The following SPATA16 variants were observed in gnomAD, a reference collection of about 807,000 sequenced individuals.
The protein encoded by SPATA16 is spermatogenesis-associated protein 16.
In SPATA16, 36 loss-of-function variants were observed where a neutral mutation model predicts 63.3. The observed-to-expected ratio is 0.57, with a 90% CI of 0.44 to 0.75. The LOEUF is 0.75. Ranked by LOEUF, SPATA16 falls within the 30% of genes least tolerant of loss-of-function variation. SPATA16 has a pLI of 0.00. For synonymous variants in SPATA16, 203 were observed against 216.7 expected, an observed-to-expected ratio of 0.94 and a Z score of 0.56; for missense variants, 646 against 679.3, an observed-to-expected ratio of 0.95 and a Z score of 0.54.
chr3:173,058,349 G>A (rs759771213), intron 2 of SPATA16, among the ~76,000 whole-genome samples: 1 of 152,090 alleles, frequency 6.6e-6, no homozygotes, highest in Non-Finnish European at 1.5e-5. Context: ...ACAGCCGTGT[G>A]TATACATCTT....
intron 2 of SPATA16, among the ~76,000 whole-genome samples, chr3:173,084,529 C>T (rs1737000755): frequency 6.6e-6 from 1 of 152,214 alleles, no homozygotes; most frequent in East Asian, 1.9e-4. Flanking sequence ...TTAATTAGAT[C>T]CCATTTGTCA....
chr3:173,059,962 A>G (rs775798439), intron 2 of SPATA16, among the ~76,000 whole-genome samples: 2 of 151,606 alleles, frequency 1.3e-5, no homozygotes, highest in Non-Finnish European at 2.9e-5. Flanking sequence ...GCTAATGTAG[A>G]AAAAACAGAG....
intron 6 of SPATA16, among the ~76,000 whole-genome samples, chr3:172,943,179 G>A (rs1371648027): frequency 6.6e-6 from 1 of 152,078 alleles, no homozygotes; most frequent in Non-Finnish European, 1.5e-5. Context: ...GAGCAGAAAG[G>A]AGTTAAACGT....
intron 10 of SPATA16, among the ~76,000 whole-genome samples, chr3:172,893,200 T>G (rs924228357): frequency 1.3e-5 from 2 of 152,244 alleles, no homozygotes; most frequent in African/African-American, 4.8e-5. Flanking sequence ...GAATGTGGCC[T>G]TATCTGGAGA....
At chr3:173,090,284 A>T (rs1323739760) in intron 2 of SPATA16, among the ~76,000 whole-genome samples, 1 of 152,070 alleles carries the variant, frequency 6.6e-6, no homozygotes, top group Non-Finnish European at 1.5e-5. Flanking sequence ...CTGCTTTGTC[A>T]TGTGATGTGC....
In SPATA16 at chr3:172,987,197, G is replaced by A. The variant is rs1016211303; in HGVS notation, c.849-10145C>T. On this transcript the variant is annotated intron_variant, in intron 4 of 10. Transcript: ENST00000351008. ...AACCATAAATGATAAAAGGATAATG[G>A]GCTCGGCCTGAAGCCAACCGTGTAA... Among the ~76,000 whole-genome samples the A allele has an allele frequency of 4.6e-5, 7 of 152,274 alleles. No individual in the cohort carries two copies. In the East Asian group the frequency reaches 1.2e-3, roughly 25 times the overall value.
chr3:173,119,837 T>TCACGCCTGTAAA (rs1553805554), intron 1 of SPATA16, among the ~76,000 whole-genome samples: 1 of 152,074 alleles, frequency 6.6e-6, no homozygotes. Flanking sequence ...GCGCGATGGC[T>TCACGCCTGTAAA]TGGCCTTTGG....
In SPATA16 at chr3:172,933,402, A is replaced by G. The variant is rs370499939; in HGVS notation, c.1082-7910T>C. ...TCCCTCGGTCCCTGTTATTCATTCA[A>G]TCATAAGCATATGATGCAGTTTGGG... On this transcript the variant is annotated intron_variant, in intron 6 of 10. Transcript: ENST00000351008. 1.3e-4 allele frequency among the ~76,000 whole-genome samples: 20 copies of G among 152,314 alleles called. 1 individual carries two copies. The highest frequency in any genetic ancestry group is 1.7e-4 in the African/African-American group (7 of 41,574).
intron 10 of SPATA16, among the ~76,000 whole-genome samples, chr3:172,900,269 A>G (rs1043980360): frequency 7.2e-5 from 11 of 152,192 alleles, no homozygotes; most frequent in Non-Finnish European, 1.3e-4. Flanking sequence ...ATAGTTTCTA[A>G]TGAGAAAGCC....
intron 2 of SPATA16, among the ~76,000 whole-genome samples, chr3:173,062,802 G>A (rs1016954418): frequency 1.3e-5 from 2 of 152,156 alleles, no homozygotes; most frequent in Admixed American, 6.5e-5. Context: ...GGATGGTTTC[G>A]TGACAAAACA....
intron 5 of SPATA16, among the ~76,000 whole-genome samples, chr3:172,973,919 C>T (rs1734098801): frequency 6.6e-6 from 1 of 152,108 alleles, no homozygotes; most frequent in Non-Finnish European, 1.5e-5. Flanking sequence ...CAAGTACAGT[C>T]ATGACAAGTT....
At chr3:172,994,657 A>G (rs1734656821) in intron 4 of SPATA16, among the ~76,000 whole-genome samples, 1 of 152,124 alleles carries the variant, frequency 6.6e-6, no homozygotes. Context: ...TAGATTATGG[A>G]GAGCCATTTA....
At chr3:172,916,210 G>T in intron 9 of SPATA16, 107 bp downstream of exon 9, 1 of 1,385,512 alleles carries the variant, frequency 7.2e-7, no homozygotes, top group Non-Finnish European at 1.0e-6. Context: ...TTTGCCCTCA[G>T]GCTACATTTA....
chr3:172,975,562 G>A (rs538407176), intron 5 of SPATA16, among the ~76,000 whole-genome samples: 1 of 151,958 alleles, frequency 6.6e-6, no homozygotes, highest in South Asian at 2.1e-4. Context: ...TTTCCCATCT[G>A]GCATTTTTAA....
chr3:173,046,644 A>G (rs523596), intron 3 of SPATA16, among the ~76,000 whole-genome samples: 29,956 of 151,944 alleles, frequency 0.2, 3,272 homozygotes, highest in African/African-American at 0.28. Context: ...AACTTTCACA[A>G]TGTGATAATA....
intron 6 of SPATA16, among the ~76,000 whole-genome samples, chr3:172,938,106 G>A (rs565845700): frequency 7.9e-5 from 12 of 152,150 alleles, no homozygotes; most frequent in Non-Finnish European, 1.5e-4. Context: ...CATTACCCAG[G>A]TTATGGTAAA....
At chr3:173,007,080 A>T (rs949283114) in intron 4 of SPATA16, among the ~76,000 whole-genome samples, 7 of 152,198 alleles carry the variant, frequency 4.6e-5, no homozygotes, top group African/African-American at 1.2e-4. Flanking sequence ...CAGGTTTCAA[A>T]TATCTCAAAC....
intron 6 of SPATA16, among the ~76,000 whole-genome samples, chr3:172,946,717 C>T (rs1460673826): frequency 6.6e-6 from 1 of 152,148 alleles, no homozygotes; most frequent in East Asian, 1.9e-4. Context: ...CCTCTCCAGG[C>T]CCTGGCTCAT....
chr3:172,893,417 G>A (rs570687496), intron 10 of SPATA16, among the ~76,000 whole-genome samples: 17 of 152,314 alleles, frequency 1.1e-4, no homozygotes, highest in Non-Finnish European at 1.8e-4. Flanking sequence ...CCAGAAACTA[G>A]GGGAGAGGCA....
Sources: gnomAD v4.1 joint callset for allele counts (sites outside exome capture counted in the v4.1 genomes callset) on GRCh38, gnomAD v4.1.1 for gene constraint, MANE v1.5 for transcripts, NCBI Gene and HGNC (gene_info 2026-07-23, HGNC 2026-07-21) for gene names.